Variants in THRAP3 observed in about 807,000 individuals in gnomAD.
THRAP3 encodes thyroid hormone receptor-associated protein 3.
Under a neutral mutation model 101.0 loss-of-function variants are expected in THRAP3, and 16 were observed. The ratio of observed to expected loss-of-function variants is 0.16; its 90% CI spans 0.11 to 0.24. The LOEUF (loss-of-function observed/expected upper bound fraction) is 0.24. THRAP3 is among the 10% of genes least tolerant of loss of function. THRAP3 has a pLI of 1.00. For synonymous variants in THRAP3, 407 were observed against 422.6 expected (o/e 0.96, Z 0.45); for missense variants, 989 against 1,202.7 (o/e 0.82, Z 2.63).
At position 36,305,048 on chromosome 1, in the gene THRAP3, G is replaced by A. The variant is rs1226069148; in HGVS notation, c.*1031G>A. The A allele has an allele frequency of 1.5e-5, 3 of 203,808 alleles. No individual in the cohort carries two copies. In the Admixed American group the frequency reaches 1.8e-4, roughly 12 times the overall value. 12.6% of individuals were successfully genotyped at this position (203,808 alleles called of 1,614,324 possible). On this transcript the variant is annotated 3_prime_UTR_variant, in exon 12 of 12. Coordinates refer to ENST00000354618, the MANE Select transcript of THRAP3 (RefSeq NM_005119.4). ...TTTTTAACCTTAAGCTGTTTAAGTTGAAGCATTCTCAGATGTTTGGGGGGA... is the reference window on the plus strand; with the variant it reads ...TTTTTAACCTTAAGCTGTTTAAGTTAAAGCATTCTCAGATGTTTGGGGGGA...
chr1:36,234,791 T>C (rs1645066050), intron 1 of THRAP3, among the ~76,000 whole-genome samples: 1 of 151,352 alleles, frequency 6.6e-6, no homozygotes, highest in South Asian at 2.1e-4. Flanking sequence ...TTCTCTTCCT[T>C]TATTTCTGTT....
intron 4 of THRAP3, chr1:36,287,883 C>A: frequency 1.0e-6 from 1 of 985,416 alleles, no homozygotes; most frequent in Non-Finnish European, 1.2e-6. Context: ...TGAGTTGGAA[C>A]ATGAATCTTT....
the THRAP3 span, among the ~76,000 whole-genome samples, chr1:36,208,019 C>T: frequency 3.3e-5 from 5 of 152,172 alleles, no homozygotes; most frequent in Non-Finnish European, 4.4e-5. Flanking sequence ...TCTTGAACTC[C>T]GGACCTCAGG....
At chr1:36,220,869 C>T (rs148944734), upstream of THRAP3, among the ~76,000 whole-genome samples, 49 of 148,378 alleles carry the variant, frequency 3.3e-4, 2 homozygotes, top group East Asian at 8.9e-3. Flanking sequence ...ACAGGAGGAT[C>T]GCTTGAACCC....
At chr1:36,239,750 A>AG (rs1266216909) in intron 1 of THRAP3, among the ~76,000 whole-genome samples, 57 of 152,252 alleles carry the variant, frequency 3.7e-4, no homozygotes, top group Non-Finnish European at 6.9e-4. Context: ...TGTACAGTAC[A>AG]GTGAGACCTA....
intron 2 of THRAP3, among the ~76,000 whole-genome samples, chr1:36,271,086 T>G (rs936479396): frequency 6.6e-5 from 10 of 152,234 alleles, no homozygotes; most frequent in Non-Finnish European, 1.3e-4. Flanking sequence ...TCCTGTTAGC[T>G]TCTTTCTGCT....
intron 1 of THRAP3, among the ~76,000 whole-genome samples, chr1:36,224,795 G>T (rs879383462): frequency 1.3e-5 from 2 of 152,124 alleles, no homozygotes; most frequent in South Asian, 4.1e-4. Flanking sequence ...GCCTGGGGGC[G>T]GCCACTCCCT....
intron 1 of THRAP3, among the ~76,000 whole-genome samples, chr1:36,237,514 T>TA (rs1273231397): frequency 6.7e-6 from 1 of 149,778 alleles, no homozygotes; most frequent in African/African-American, 2.5e-5. Flanking sequence ...CTCATGCCTG[T>TA]AATCCCAGCA....
chr1:36,270,924 A>G (rs1645582912), intron 2 of THRAP3, among the ~76,000 whole-genome samples: 1 of 152,128 alleles, frequency 6.6e-6, no homozygotes, highest in African/African-American at 2.4e-5. Context: ...GTTTGATTTC[A>G]TATTAAAAAT....
intron 9 of THRAP3, among the ~76,000 whole-genome samples, chr1:36,299,157 C>T (rs1185255701): frequency 6.6e-6 from 1 of 151,002 alleles, no homozygotes; most frequent in Non-Finnish European, 1.5e-5. Flanking sequence ...AGAGACAATG[C>T]TGGCCGGATG....
intron 1 of THRAP3, among the ~76,000 whole-genome samples, chr1:36,248,242 C>A (rs1315034281): frequency 2.6e-5 from 4 of 152,004 alleles, no homozygotes; most frequent in Non-Finnish European, 5.9e-5. Context: ...TTTTGTTCAT[C>A]TCCTCAGTTG....
chr1:36,234,807 C>CTTTTTTTTTTTTT (rs35278020), intron 1 of THRAP3, among the ~76,000 whole-genome samples: 3 of 72,436 alleles, frequency 4.1e-5, no homozygotes, highest in Admixed American at 1.9e-4. Flanking sequence ...CTGTTTCAGT[C>CTTTTTTTTTTTTT]TTTTTTTTTT....
chr1:36,232,943 C>T (rs554445768), intron 1 of THRAP3, among the ~76,000 whole-genome samples: 56 of 31,198 alleles, frequency 1.8e-3, no homozygotes, highest in African/African-American at 2.1e-3. Flanking sequence ...GGCGCGGTCT[C>T]GGCTCACTGC....
At chr1:36,277,076 C>G (rs2358719) in intron 2 of THRAP3, among the ~76,000 whole-genome samples, 5,115 of 151,732 alleles carry the variant, frequency 0.034, 318 homozygotes, top group African/African-American at 0.12. Context: ...TCAAGTGATT[C>G]TCCTGCCTCA....
At chr1:36,283,821 T>C (rs1645763495) in intron 3 of THRAP3, among the ~76,000 whole-genome samples, 1 of 152,156 alleles carries the variant, frequency 6.6e-6, no homozygotes, top group Non-Finnish European at 1.5e-5. Context: ...AACAAAGGAT[T>C]AGTAGTTTTG....
intron 1 of THRAP3, 140 bp downstream of exon 1, chr1:36,224,645 C>T (rs749261394): frequency 1.3e-5 from 2 of 152,620 alleles, no homozygotes; most frequent in Non-Finnish European, 1.5e-5. Context: ...TACACCCTGG[C>T]CTCTTCTGAG....
At position 36,296,705 on chromosome 1, in the gene THRAP3, C is replaced by T; in HGVS notation, c.2238C>T (p.Ser746=). The part of the protein sequence containing the change: ...KSRESVDSRD[S]SHSRERSAEK... ...GAGAATCAGTGGATTCCCGAGACTC[C>T]AGTCACTCAAGGGAAAGGTCAGCTG... is the stretch of plus-strand genomic sequence containing the variant. The change falls in exon 9 of 12, where the codon TCC becomes TCT. Residue 746 remains serine, a synonymous_variant. Transcript: ENST00000354618. The T allele has an allele frequency of 1.2e-6, 2 of 1,610,044 alleles. No individual in the cohort carries two copies. The highest frequency in any genetic ancestry group is 1.7e-6 in the Non-Finnish European group (2 of 1,179,048).
intron 1 of THRAP3, among the ~76,000 whole-genome samples, chr1:36,244,620 C>T (rs983062052): frequency 4.6e-5 from 7 of 152,078 alleles, no homozygotes; most frequent in African/African-American, 1.7e-4. Flanking sequence ...ATGTGTAAAG[C>T]AGTTTCAGAT....
At position 36,293,686 on chromosome 1, in the gene THRAP3, A is replaced by T. The variant is rs866288192; in HGVS notation, c.2031-165A>T. 6.4e-3 allele frequency among the ~76,000 whole-genome samples: 240 copies of T among 37,484 alleles called. 2 individuals are homozygous for T. The highest frequency in any genetic ancestry group is 0.017 in the African/African-American group (235 of 14,234). The allele number at this position is 37,484 out of a possible 152,430, so 24.6% of individuals were successfully genotyped here. On this transcript the variant is annotated intron_variant, in intron 7 of 11. Coordinates refer to ENST00000354618, the MANE Select transcript of THRAP3 (RefSeq NM_005119.4). The stretch of plus-strand genomic sequence containing the variant: ...TGTGTGTGTGTGTGTGTGTCTGCCT[A>T]TGGGAGAGTATAAGTATATAAGAGT...
Sources: allele counts gnomAD v4.1 joint callset (sites outside exome capture counted in the v4.1 genomes callset), GRCh38; gene constraint gnomAD v4.1.1; transcripts MANE v1.5; gene names NCBI Gene and HGNC (gene_info 2026-07-23, HGNC 2026-07-21).